Variants in ASTN2 observed in about 807,000 individuals in gnomAD.
ASTN2 encodes the protein astrotactin-2.
A neutral mutation model predicts 139.8 loss-of-function variants in ASTN2; 54 were observed. The observed-to-expected ratio is 0.39, with a 90% CI of 0.31 to 0.48. The LOEUF (loss-of-function observed/expected upper bound fraction) is 0.48. Ranked by LOEUF, ASTN2 falls within the 20% of genes least tolerant of loss-of-function variation. ASTN2 has a pLI of 0.95. For missense variants in ASTN2, 1,565 were observed against 1,725.1 expected, an observed-to-expected ratio of 0.91 and a Z score of 1.64; for synonymous variants, 756 against 719.5, an observed-to-expected ratio of 1.05 and a Z score of -0.81.
At chr9:117,145,350 C>G (rs1444325736) in intron 3 of ASTN2, among the ~76,000 whole-genome samples, 1 of 152,194 alleles carries the variant, frequency 6.6e-6, no homozygotes, top group Non-Finnish European at 1.5e-5. Context: ...CTAGCTTGTG[C>G]TGGCTGTTCT....
intron 13 of ASTN2, among the ~76,000 whole-genome samples, chr9:116,744,056 G>A (rs2132142672): frequency 6.6e-6 from 1 of 152,248 alleles, no homozygotes; most frequent in East Asian, 1.9e-4. Context: ...CCTGGAGGAG[G>A]TGAGACTTGA....
intron 20 of ASTN2, among the ~76,000 whole-genome samples, chr9:116,485,907 G>A (rs147314098): frequency 2.1e-4 from 32 of 152,340 alleles, no homozygotes; most frequent in Non-Finnish European, 3.7e-4. Context: ...TCAAAAGGGT[G>A]AGGAAGAGGC....
rs542268351 is a variant in ASTN2 at position 117,388,668 on chromosome 9, G to A, written c.442+25829C>T. 7.2e-5 allele frequency among the ~76,000 whole-genome samples: 11 copies of A among 152,312 alleles called. No individual in the cohort carries two copies. In the East Asian group the frequency reaches 2.1e-3, roughly 29 times the overall value. The stretch of plus-strand genomic sequence containing the variant: ...TTAGGGTGCTCACAGAGTTGGGAGT[G>A]TAGCCAAGATTAGAAGTCAGAGCTC... On this transcript the variant is annotated intron_variant, in intron 1 of 22. Coordinates refer to ENST00000313400, the MANE Select transcript of ASTN2 (RefSeq NM_001365068.1).
At chr9:116,696,169 A>G (rs1346299530) in intron 16 of ASTN2, among the ~76,000 whole-genome samples, 1 of 152,062 alleles carries the variant, frequency 6.6e-6, no homozygotes, top group Non-Finnish European at 1.5e-5. Context: ...ACGCTCAAAA[A>G]TCTCATTTTG....
Position 116,651,789 on chromosome 9 carries a change from G to A in ASTN2, c.2811C>T (p.Thr937=), listed in dbSNP as rs761006308. 111 of 1,612,864 alleles carry A rather than the reference G, an allele frequency of 6.9e-5. No homozygotes were observed. The highest frequency in any genetic ancestry group is 9.0e-5 in the Non-Finnish European group (106 of 1,179,130). Residue 937 remains threonine (T), a synonymous_variant, in exon 17 of 23, where the codon ACC becomes ACT. Transcript: ENST00000313400. The part of the protein sequence containing the change: ...QQLWLQYQKE[T]TELGSKKELK... ...GCTCCTTCTTGCTGCCCAGCTCTGT[G>A]GTCTCTGGAGAGGCACAAGACAGGA...
chr9:116,494,587 T>C (rs1412800397), intron 19 of ASTN2, among the ~76,000 whole-genome samples: 1 of 152,126 alleles, frequency 6.6e-6, no homozygotes, highest in African/African-American at 2.4e-5. Flanking sequence ...AAGAGGGAAA[T>C]AAAAATGTTA....
chr9:117,261,797 A>T (rs1833828368), intron 2 of ASTN2, among the ~76,000 whole-genome samples: 2 of 152,120 alleles, frequency 1.3e-5, no homozygotes, highest in Non-Finnish European at 2.9e-5. Context: ...AAGGAGGGGA[A>T]ATATTCAGTT....
intron 20 of ASTN2, among the ~76,000 whole-genome samples, chr9:116,483,503 T>TA (rs1205580684): frequency 6.6e-6 from 1 of 151,554 alleles, no homozygotes; most frequent in African/African-American, 2.4e-5. Context: ...AAAATTCAAG[T>TA]AAAAAATAGG....
chr9:116,966,422 T>C (rs943029070), intron 10 of ASTN2, among the ~76,000 whole-genome samples: 1 of 152,116 alleles, frequency 6.6e-6, no homozygotes, highest in Non-Finnish European at 1.5e-5. Flanking sequence ...GAGCTGACAG[T>C]TGGTGCATGC....
chr9:116,746,016 T>TAAGA, intron 13 of ASTN2, among the ~76,000 whole-genome samples: 1 of 152,100 alleles, frequency 6.6e-6, no homozygotes, highest in Admixed American at 6.5e-5. Flanking sequence ...CCCTGCTTCT[T>TAAGA]AAGGCTGTCC....
Position 117,188,166 on chromosome 9 carries a change from TAGAG to T in ASTN2, c.1015+26188_1015+26191del, listed in dbSNP as rs150848006. On this transcript the variant is annotated intron_variant, in intron 3 of 22. Coordinates refer to ENST00000313400, the MANE Select transcript of ASTN2 (RefSeq NM_001365068.1). ...AAGATGTGTGTGTGTGTCTGTGTGA[TAGAG>T]AGAGAGAGAGAGAGAGAGAGAGACA... Among the ~76,000 whole-genome samples, 188 of 125,702 alleles carry T rather than the reference TAGAG, an allele frequency of 1.5e-3. 1 individual carries two copies. Among genetic ancestry groups the T allele is most frequent in the African/African-American group, 4.9e-3 (156 of 31,700 alleles). 82.5% of individuals were successfully genotyped at this position (125,702 alleles called of 152,430 possible).
intron 4 of ASTN2, among the ~76,000 whole-genome samples, chr9:117,125,136 C>T (rs1829655766): frequency 6.6e-6 from 1 of 152,100 alleles, no homozygotes. Flanking sequence ...ATACATGCTC[C>T]CTCTTCTTAT....
chr9:116,435,302 T>C (rs766862241), intron 22 of ASTN2, among the ~76,000 whole-genome samples: 5 of 152,202 alleles, frequency 3.3e-5, no homozygotes, highest in African/African-American at 7.2e-5. Flanking sequence ...TGGAGAAGCA[T>C]CTTACCCTCT....
Position 117,414,812 on chromosome 9 carries a change from G to T in ASTN2, c.127C>A (p.Pro43Thr). The T allele has an allele frequency of 1.4e-5, 17 of 1,220,004 alleles. No individual in the cohort carries two copies. Among genetic ancestry groups the T allele is most frequent in the Non-Finnish European group, 1.6e-5 (16 of 979,264 alleles). 75.6% of individuals were successfully genotyped at this position (1,220,004 alleles called of 1,614,324 possible). A position where few individuals can be genotyped will look rare whatever the true frequency, so the allele number is the denominator to read the frequency against. The change falls in exon 1 of 23, where the codon CCG becomes ACG. Residue 43 changes from proline (P) to threonine (T), a missense_variant. This residue lies in a region of ASTN2 where 596 missense variants were observed against 576.8 expected (regional missense o/e 1.03). Coordinates refer to ENST00000313400, the MANE Select transcript of ASTN2 (RefSeq NM_001365068.1). The surrounding 1 kb of genome is among the most constrained non-coding windows in gnomAD (Gnocchi z 4.2). ...GCGCCGGCCAGCAGCGGCGGCGGCG[G>T]CAGCAGGAGCAGGAACAGCAGCAGC... is the stretch of plus-strand genomic sequence containing the variant. ...PLLLLFLLLL[P>T]PPPLLAGATA...
chr9:117,008,875 TG>T (rs959358100), intron 6 of ASTN2, among the ~76,000 whole-genome samples: 3 of 152,154 alleles, frequency 2.0e-5, no homozygotes, highest in Non-Finnish European at 4.4e-5. Context: ...TGTTTGTTTT[TG>T]TTTTATTATA....
intron 5 of ASTN2, among the ~76,000 whole-genome samples, chr9:117,080,000 G>C (rs948698465): frequency 1.5e-5 from 1 of 67,180 alleles, no homozygotes; most frequent in African/African-American, 6.6e-5. Flanking sequence ...TCGTGGGTTG[G>C]TTAGAGTGAC....
intron 3 of ASTN2, among the ~76,000 whole-genome samples, chr9:117,152,901 G>A (rs1055628243): frequency 5.9e-5 from 9 of 152,092 alleles, no homozygotes; most frequent in African/African-American, 1.7e-4. Context: ...ACTGTTTATG[G>A]AGTGTTTACT....
intron 19 of ASTN2, among the ~76,000 whole-genome samples, chr9:116,587,861 A>G (rs1231862953): frequency 6.6e-6 from 1 of 152,096 alleles, no homozygotes; most frequent in Non-Finnish European, 1.5e-5. Flanking sequence ...CTCATATTCT[A>G]TGCCCAGGCC....
rs370565248 is a variant in ASTN2, at chr9:116,710,390, C to A, written c.2806+15381G>T. Among the ~76,000 whole-genome samples, 12 of 152,082 alleles carry A rather than the reference C, an allele frequency of 7.9e-5. 2 individuals are homozygous for A. Among genetic ancestry groups the A allele is most frequent in the African/African-American group, 2.7e-4 (11 of 41,462 alleles). ...ACATCCCACTACTTCTGAGTGACAA[C>A]AGATGTTTAGAGTTAAATATTGAAA... On this transcript the variant is annotated intron_variant, in intron 16 of 22. Coordinates refer to ENST00000313400, the MANE Select transcript of ASTN2 (RefSeq NM_001365068.1).
Sources: gnomAD v4.1 joint callset for allele counts (sites outside exome capture counted in the v4.1 genomes callset) on GRCh38, gnomAD v4.1.1 for gene constraint, gnomAD v4.1.1 regional missense constraint, Gnocchi (gnomAD v3.1) non-coding constraint, MANE v1.5 for transcripts, NCBI Gene and HGNC (gene_info 2026-07-23, HGNC 2026-07-21) for gene names.